ANKRD11: variants seen among roughly 807,000 people sequenced by gnomAD.
The protein encoded by ANKRD11 is ankyrin repeat domain-containing protein 11.
In ANKRD11, 17 loss-of-function variants were observed where a neutral mutation model predicts 195.7. That is an observed-to-expected ratio of 0.09 (90% confidence interval 0.06 to 0.13). The LOEUF (loss-of-function observed/expected upper bound fraction) is 0.13, where lower values mean the gene tolerates loss of function less well. Among genes scored for constraint, ANKRD11 ranks in the 10% least tolerant of loss-of-function variants. ANKRD11 has a pLI of 1.00. For missense variants in ANKRD11, 3,735 were observed against 3,566.1 expected (o/e 1.05, Z -1.21); for synonymous variants, 1,953 against 1,528.1 (o/e 1.28, Z -6.49).
chr16:89,276,166 C>G (rs1176573642), intron 9 of ANKRD11, among the ~76,000 whole-genome samples: 1 of 152,170 alleles, frequency 6.6e-6, no homozygotes, highest in Non-Finnish European at 1.5e-5. Context: ...GGAAGAGCTC[C>G]TGACAGCCAA....
At chr16:89,427,355 T>G (rs1467789132) in intron 1 of ANKRD11, among the ~76,000 whole-genome samples, 1 of 152,192 alleles carries the variant, frequency 6.6e-6, no homozygotes, top group Admixed American at 6.5e-5. Context: ...GACCTGATGA[T>G]TCAGTGCAGT....
chr16:89,484,403 T>C (rs1414252984), intron 1 of ANKRD11, among the ~76,000 whole-genome samples: 1 of 152,206 alleles, frequency 6.6e-6, no homozygotes, highest in African/African-American at 2.4e-5. Context: ...CATCCAGAAT[T>C]AAACCAAAGT....
At chr16:89,364,945 T>A (rs978555951) in intron 2 of ANKRD11, among the ~76,000 whole-genome samples, 3 of 152,198 alleles carry the variant, frequency 2.0e-5, no homozygotes, top group African/African-American at 7.2e-5. Flanking sequence ...CAAAGCCAAA[T>A]GAACAACACT....
At chr16:89,349,134 TAAAAAAAAAA>T (rs59621400) in intron 2 of ANKRD11, among the ~76,000 whole-genome samples, 1,821 of 16,634 alleles carry the variant, frequency 0.11, 46 homozygotes, top group Non-Finnish European at 0.14. Flanking sequence ...TCTCAAAAAG[TAAAAAAAAAA>T]AAAAAAAAAA....
intron 2 of ANKRD11, among the ~76,000 whole-genome samples, chr16:89,381,354 A>AAAAAAAAAAAAAG (rs1555560066): frequency 1.1e-4 from 14 of 125,338 alleles, no homozygotes; most frequent in African/African-American, 4.6e-4. Flanking sequence ...AAAAAAAAAA[A>AAAAAAAAAAAAAG]GGGGTGAGAA....
At chr16:89,387,522 A>C (rs527434606) in intron 2 of ANKRD11, among the ~76,000 whole-genome samples, 39 of 151,518 alleles carry the variant, frequency 2.6e-4, no homozygotes, top group Non-Finnish European at 5.0e-4. Flanking sequence ...AATACAAAAA[A>C]ATTAACCAGG....
intron 2 of ANKRD11, among the ~76,000 whole-genome samples, chr16:89,319,253 C>G (rs920615666): frequency 6.6e-6 from 1 of 152,194 alleles, no homozygotes; most frequent in Non-Finnish European, 1.5e-5. Flanking sequence ...TGGGCCCCGA[C>G]AGTGCGGGGC....
intron 10 of ANKRD11, 38 bp from the exon 11 acceptor site, chr16:89,274,995 C>T (rs1351644710): frequency 1.2e-6 from 2 of 1,612,690 alleles, no homozygotes; most frequent in East Asian, 2.2e-5. Flanking sequence ...TGGGACACAG[C>T]CACGCTCCAG....
At position 89,324,573 on chromosome 16, in the gene ANKRD11, T is replaced by TG. The variant is rs751670371; in HGVS notation, c.-59-7496dup. The TG allele has an allele frequency of 1.0e-4, 46 of 453,682 alleles. 2 individuals carry two copies. The highest frequency in any genetic ancestry group is 2.2e-4 in the South Asian group (14 of 64,312). 28.1% of individuals were successfully genotyped at this position (453,682 alleles called of 1,614,324 possible). On this transcript the variant is annotated intron_variant, in intron 2 of 12. Coordinates refer to ENST00000301030, the MANE Select transcript of ANKRD11 (RefSeq NM_013275.6). ...GGGAGAGGCCGACGAACCCTCCATC[T>TG]GGGGGGGCATGATCTCATCAGCTGC...
chr16:89,341,680 C>A (rs1597714015), intron 2 of ANKRD11, among the ~76,000 whole-genome samples: 1 of 152,250 alleles, frequency 6.6e-6, no homozygotes, highest in African/African-American at 2.4e-5. Context: ...TGGCTTTAAT[C>A]CCCTCACACA....
At chr16:89,481,833 C>A (rs991173329) in intron 1 of ANKRD11, among the ~76,000 whole-genome samples, 15 of 152,104 alleles carry the variant, frequency 9.9e-5, no homozygotes, top group African/African-American at 3.6e-4. Context: ...TGTCCCCAGC[C>A]TTCCCGAAGT....
Position 89,285,893 on chromosome 16 carries a change from C to A in ANKRD11, c.892+146G>T. On this transcript the variant is annotated intron_variant, in intron 8 of 12. Coordinates refer to ENST00000301030, the MANE Select transcript of ANKRD11 (RefSeq NM_013275.6). The surrounding 1 kb of genome is among the most constrained non-coding windows in gnomAD (Gnocchi z 5.6). ...GCTTCTCGGCAGTGACACACCTGGG[C>A]GGGGTCTCCCGCAGTCCAGAAGCTC... is the stretch of plus-strand genomic sequence containing the variant. The A allele has an allele frequency of 3.1e-6, 4 of 1,283,538 alleles. No homozygotes were observed. The highest frequency in any genetic ancestry group is 2.4e-5 in the East Asian group (1 of 41,228). The allele number at this position is 1,283,538 out of a possible 1,614,324, so 79.5% of individuals were successfully genotyped here.
At chr16:89,414,759 G>A (rs2042227516) in intron 2 of ANKRD11, among the ~76,000 whole-genome samples, 1 of 152,148 alleles carries the variant, frequency 6.6e-6, no homozygotes, top group Non-Finnish European at 1.5e-5. Context: ...GGCAGGACCA[G>A]CCTAGAATCC....
intron 2 of ANKRD11, among the ~76,000 whole-genome samples, chr16:89,335,152 G>A (rs1372813729): frequency 6.6e-6 from 1 of 152,224 alleles, no homozygotes; most frequent in Non-Finnish European, 1.5e-5. Context: ...TGTCCGGCCT[G>A]TGGGGGCACT....
Position 89,394,413 on chromosome 16 carries a change from G to A in ANKRD11, c.-60+23871C>T, listed in dbSNP as rs368210921. On this transcript the variant is annotated intron_variant, in intron 2 of 12. Coordinates refer to ENST00000301030, the MANE Select transcript of ANKRD11 (RefSeq NM_013275.6). ...GGAGGCCAAGGCGGGCAGATCACCTGAGGTCGGGAGTTCAAGACCAGACTG... is the reference window on the plus strand; with the variant it reads ...GGAGGCCAAGGCGGGCAGATCACCTAAGGTCGGGAGTTCAAGACCAGACTG... Among the ~76,000 whole-genome samples the A allele has an allele frequency of 7.0e-4, 107 of 152,338 alleles. 2 individuals carry two copies. The East Asian group carries it at 0.017, about 24-fold the overall frequency.
rs117530819 is a variant in ANKRD11 at position 89,333,604 on chromosome 16, C to T, written c.-59-16526G>A. 6.6e-3 allele frequency among the ~76,000 whole-genome samples: 998 copies of T among 152,284 alleles called. 42 individuals are homozygous for T. Among genetic ancestry groups the T allele is most frequent in the Admixed American group, 0.047 (722 of 15,298 alleles). ...TTTGCCCTTTCCTGGATGTCAGAGT[C>T]GGAACCCTACAGTGTGTAGTCCTTG... On this transcript the variant is annotated intron_variant, in intron 2 of 12. Transcript: ENST00000301030.
chr16:89,467,666 CTCT>C (rs2056931179), intron 1 of ANKRD11, among the ~76,000 whole-genome samples: 1 of 152,120 alleles, frequency 6.6e-6, no homozygotes, highest in Admixed American at 6.6e-5. Flanking sequence ...CCCTGTATCA[CTCT>C]TCAACACGCA....
At chr16:89,421,026 G>A (rs2042488181) in intron 1 of ANKRD11, among the ~76,000 whole-genome samples, 1 of 152,240 alleles carries the variant, frequency 6.6e-6, no homozygotes, top group African/African-American at 2.4e-5. Context: ...GCTGAGTGCA[G>A]ACAGAGACCA....
At chr16:89,474,452 A>T (rs2152356694) in intron 1 of ANKRD11, among the ~76,000 whole-genome samples, 1 of 151,012 alleles carries the variant, frequency 6.6e-6, no homozygotes, top group South Asian at 2.1e-4. Context: ...CCCTGTCTCT[A>T]CCTTATGTAA....
Sources: gnomAD v4.1 joint callset for allele counts (sites outside exome capture counted in the v4.1 genomes callset) on GRCh38, gnomAD v4.1.1 for gene constraint, Gnocchi (gnomAD v3.1) non-coding constraint, MANE v1.5 for transcripts, NCBI Gene and HGNC (gene_info 2026-07-23, HGNC 2026-07-21) for gene names.